The following NFIB variants were observed in gnomAD, a reference collection of about 807,000 sequenced individuals.
NFIB encodes the protein nuclear factor 1 B-type.
Under a neutral mutation model 61.5 loss-of-function variants are expected in NFIB, and 11 were observed. The observed-to-expected ratio is 0.18, with a 90% CI of 0.11 to 0.30. The LOEUF is 0.30. Among genes scored for constraint, NFIB ranks in the 10% least tolerant of loss-of-function variants. The pLI is 1.00. For missense variants in NFIB, 471 were observed against 608.9 expected, an observed-to-expected ratio of 0.77 and a Z score of 2.38; for synonymous variants, 260 against 216.5, an observed-to-expected ratio of 1.20 and a Z score of -1.76.
the NFIB span, among the ~76,000 whole-genome samples, chr9:14,479,465 C>T: frequency 1.3e-5 from 2 of 152,164 alleles, no homozygotes; most frequent in Admixed American, 1.3e-4. Flanking sequence ...ACAATCTGTC[C>T]ATGTCCCCAG....
intron 10 of NFIB, among the ~76,000 whole-genome samples, chr9:14,103,729 C>G (rs2036112865): frequency 6.6e-6 from 1 of 151,838 alleles, no homozygotes; most frequent in Non-Finnish European, 1.5e-5. Flanking sequence ...CTAAAATTTC[C>G]AAACCACGTG....
the NFIB span, among the ~76,000 whole-genome samples, chr9:14,404,520 T>C: frequency 2.0e-5 from 3 of 152,220 alleles, no homozygotes; most frequent in South Asian, 2.1e-4. Flanking sequence ...ATTTCCATCA[T>C]GAAATTGTTT....
intron 1 of NFIB, among the ~76,000 whole-genome samples, chr9:14,337,909 T>C (rs1317090660): frequency 2.6e-5 from 4 of 152,234 alleles, no homozygotes; most frequent in Admixed American, 2.0e-4. Flanking sequence ...ATGAATTCTA[T>C]GTTTTGTAAT....
intron 2 of NFIB, among the ~76,000 whole-genome samples, chr9:14,206,973 T>A (rs913452603): frequency 2.6e-5 from 4 of 152,344 alleles, no homozygotes; most frequent in African/African-American, 9.6e-5. Context: ...GTGCTTACAA[T>A]GTTAGCTTAT....
At chr9:14,366,196 T>A (rs183437018) in intron 1 of NFIB, among the ~76,000 whole-genome samples, 82 of 152,278 alleles carry the variant, frequency 5.4e-4, no homozygotes, top group African/African-American at 1.9e-3. Context: ...CTGGGCATCG[T>A]CCCAGAATTG....
chr9:14,446,117 A>T, the NFIB span, among the ~76,000 whole-genome samples: 1 of 152,208 alleles, frequency 6.6e-6, no homozygotes, highest in East Asian at 1.9e-4. Context: ...TCACCCGAAG[A>T]ACGTGCCTTT....
chr9:14,377,958 A>G (rs2061439587), intron 1 of NFIB, among the ~76,000 whole-genome samples: 1 of 152,186 alleles, frequency 6.6e-6, no homozygotes, highest in African/African-American at 2.4e-5. Context: ...CCCAGTTTGG[A>G]TGACAAATCT....
the NFIB span, among the ~76,000 whole-genome samples, chr9:14,422,165 A>ACTCC: frequency 6.6e-6 from 1 of 152,172 alleles, no homozygotes; most frequent in East Asian, 1.9e-4. Context: ...GACAAAGGAG[A>ACTCC]CTCCGACCCA....
At chr9:14,107,558 A>G (rs1442049247) in intron 10 of NFIB, among the ~76,000 whole-genome samples, 2 of 152,142 alleles carry the variant, frequency 1.3e-5, no homozygotes, top group Non-Finnish European at 2.9e-5. Context: ...TACAACTTGT[A>G]AATTTTAAGG....
At chr9:14,508,868 ATCT>A in the NFIB span, among the ~76,000 whole-genome samples, 3 of 152,212 alleles carry the variant, frequency 2.0e-5, no homozygotes, top group African/African-American at 7.2e-5. Flanking sequence ...GGAGAACTGA[ATCT>A]TCTTCTACTC....
At chr9:14,391,551 A>G (rs982855197) in intron 1 of NFIB, among the ~76,000 whole-genome samples, 1 of 151,642 alleles carries the variant, frequency 6.6e-6, no homozygotes, top group Non-Finnish European at 1.5e-5. Context: ...CATGTGCACT[A>G]AGAGGATTTA....
At chr9:14,405,390 T>A in the NFIB span, among the ~76,000 whole-genome samples, 2 of 152,212 alleles carry the variant, frequency 1.3e-5, no homozygotes, top group African/African-American at 4.8e-5. Context: ...TGTGGAATGT[T>A]GCCATAACAA....
chr9:14,431,745 G>C, the NFIB span, among the ~76,000 whole-genome samples: 2 of 151,692 alleles, frequency 1.3e-5, no homozygotes, highest in African/African-American at 4.8e-5. Flanking sequence ...TGGGAGCACT[G>C]TCATCCAGGG....
At chr9:14,252,518 T>G (rs1262307464) in intron 2 of NFIB, among the ~76,000 whole-genome samples, 2 of 152,144 alleles carry the variant, frequency 1.3e-5, no homozygotes, top group Non-Finnish European at 2.9e-5. Flanking sequence ...TCATGATTTT[T>G]AAACATTTGT....
At chr9:14,252,535 T>TA (rs548723403) in intron 2 of NFIB, among the ~76,000 whole-genome samples, 14 of 151,810 alleles carry the variant, frequency 9.2e-5, no homozygotes, top group Non-Finnish European at 1.6e-4. Flanking sequence ...TTGTATTTGT[T>TA]AAAAAAAACA....
intron 10 of NFIB, among the ~76,000 whole-genome samples, chr9:14,103,345 G>C (rs543948899): frequency 6.0e-5 from 9 of 148,976 alleles, no homozygotes; most frequent in South Asian, 2.3e-4. Context: ...TCTGGGTTGG[G>C]GGGGGGGAAA....
In NFIB at chr9:14,109,489, C is replaced by T. The variant is rs151306714; in HGVS notation, c.1467+3510G>A. Among the ~76,000 whole-genome samples the T allele has an allele frequency of 5.4e-3, 798 of 148,612 alleles. 7 individuals carry two copies. Among genetic ancestry groups the T allele is most frequent in the African/African-American group, 0.018 (694 of 38,152 alleles). ...GCAGAGACTAATCAGTTCAGTTTGCCAAAGCAGGACCCATGAGTTCTTCAA... is the reference window on the plus strand; with the variant it reads ...GCAGAGACTAATCAGTTCAGTTTGCTAAAGCAGGACCCATGAGTTCTTCAA... On this transcript the variant is annotated intron_variant, in intron 10 of 10. Coordinates refer to ENST00000380953, the MANE Select transcript of NFIB (RefSeq NM_001190737.2).
At chr9:14,472,035 T>C in the NFIB span, among the ~76,000 whole-genome samples, 1 of 152,236 alleles carries the variant, frequency 6.6e-6, no homozygotes, top group African/African-American at 2.4e-5. Context: ...TTGGCACTCC[T>C]GTAATAGGCA....
At chr9:14,442,945 A>G in the NFIB span, among the ~76,000 whole-genome samples, 1 of 152,006 alleles carries the variant, frequency 6.6e-6, no homozygotes, top group African/African-American at 2.4e-5. Context: ...CAAGGCTTTG[A>G]CCCAGGGCCA....
Sources: allele counts gnomAD v4.1 joint callset (sites outside exome capture counted in the v4.1 genomes callset), GRCh38; gene constraint gnomAD v4.1.1; transcripts MANE v1.5; gene names NCBI Gene and HGNC (gene_info 2026-07-23, HGNC 2026-07-21).